LAMA2: variants seen among roughly 807,000 people sequenced by gnomAD.
LAMA2 encodes the protein laminin subunit alpha-2.
A neutral mutation model predicts 364.8 loss-of-function variants in LAMA2; 269 were observed. That is an observed-to-expected ratio of 0.74 (90% CI 0.67 to 0.82). LAMA2 has a LOEUF of 0.82. LAMA2 is among the 40% of genes least tolerant of loss of function. The pLI, the probability that LAMA2 is intolerant of heterozygous loss-of-function variation, is 0.00. For synonymous variants in LAMA2, 1,379 were observed against 1,370.6 expected (o/e 1.01, Z -0.14); for missense variants, 3,807 against 3,873.2 (o/e 0.98, Z 0.45).
chr6:129,326,201 C>T (rs113057764), intron 28 of LAMA2, among the ~76,000 whole-genome samples: 1 of 152,134 alleles, frequency 6.6e-6, no homozygotes, highest in Non-Finnish European at 1.5e-5. Flanking sequence ...TTGCCAGTGA[C>T]GCTGCGCTCT....
At chr6:129,398,788 T>G (rs1779803813) in intron 37 of LAMA2, among the ~76,000 whole-genome samples, 1 of 152,146 alleles carries the variant, frequency 6.6e-6, no homozygotes, top group African/African-American at 2.4e-5. Flanking sequence ...TTTATTTATT[T>G]ATTAAAAAAT....
chr6:129,366,134 T>C, intron 32 of LAMA2, 85 bp from the exon 33 acceptor site: 1 of 1,420,104 alleles, frequency 7.0e-7, no homozygotes, highest in Non-Finnish European at 9.9e-7. Flanking sequence ...TCTTGGACCA[T>C]AAAATATTTC....
intron 4 of LAMA2, among the ~76,000 whole-genome samples, chr6:129,099,039 A>G (rs1279728913): frequency 6.6e-6 from 1 of 150,750 alleles, no homozygotes; most frequent in African/African-American, 2.4e-5. Flanking sequence ...AGATTCATTC[A>G]TTGATTTTAA....
At chr6:129,059,476 C>T (rs1788734324) in intron 2 of LAMA2, among the ~76,000 whole-genome samples, 1 of 152,134 alleles carries the variant, frequency 6.6e-6, no homozygotes, top group Non-Finnish European at 1.5e-5. Context: ...AACATTATAT[C>T]TTTACACTTA....
intron 12 of LAMA2, among the ~76,000 whole-genome samples, chr6:129,249,095 C>T (rs1785982658): frequency 6.6e-6 from 1 of 152,108 alleles, no homozygotes; most frequent in Non-Finnish European, 1.5e-5. Flanking sequence ...CTGTGGAACA[C>T]TAAGAGGAAT....
intron 9 of LAMA2, among the ~76,000 whole-genome samples, chr6:129,176,089 T>C (rs1345749378): frequency 1.3e-5 from 2 of 152,044 alleles, no homozygotes; most frequent in African/African-American, 4.8e-5. Flanking sequence ...GTACAGTTTT[T>C]CCATACTCAA....
At chr6:129,137,256 A>G (rs976154840) in intron 4 of LAMA2, among the ~76,000 whole-genome samples, 1 of 144,020 alleles carries the variant, frequency 6.9e-6, no homozygotes, top group Non-Finnish European at 1.5e-5. Flanking sequence ...TGACAGTAGG[A>G]AAAAAAAAAA....
At chr6:129,293,256 T>C (rs1789845422) in intron 20 of LAMA2, among the ~76,000 whole-genome samples, 1 of 152,242 alleles carries the variant, frequency 6.6e-6, no homozygotes, top group Non-Finnish European at 1.5e-5. Flanking sequence ...TTAAAAAGCA[T>C]ATTCAAGTTC....
chr6:128,958,093 A>G (rs866203627), intron 1 of LAMA2, among the ~76,000 whole-genome samples: 22 of 151,922 alleles, frequency 1.4e-4, no homozygotes, highest in African/African-American at 4.8e-4. Flanking sequence ...AAAATATTGC[A>G]TATTCATATT....
rs545953546 is a variant in LAMA2, at chr6:129,434,372, A to G, written c.5969-4274A>G. ...TTCTAGCACATTTTTCTTCTACTCT[A>G]TGAGGAGGAGATGAGAAAGGGAGAG... On this transcript the variant is annotated intron_variant, in intron 41 of 64. Transcript: ENST00000421865. 3.3e-3 allele frequency among the ~76,000 whole-genome samples: 496 copies of G among 152,102 alleles called. 3 individuals carry two copies. Among genetic ancestry groups the G allele is most frequent in the Non-Finnish European group, 4.5e-3 (303 of 67,968 alleles).
intron 40 of LAMA2, among the ~76,000 whole-genome samples, chr6:129,416,283 T>C (rs1262366846): frequency 6.6e-6 from 1 of 152,250 alleles, no homozygotes; most frequent in Non-Finnish European, 1.5e-5. Flanking sequence ...TACTCCGTCA[T>C]AGTTTTATTC....
intron 1 of LAMA2, among the ~76,000 whole-genome samples, chr6:128,951,432 A>G (rs1290473531): frequency 2.0e-5 from 3 of 152,144 alleles, no homozygotes; most frequent in Non-Finnish European, 4.4e-5. Flanking sequence ...ATATTGGAGC[A>G]TGGGGACCCC....
chr6:128,987,350 C>T (rs1265013727), intron 1 of LAMA2, among the ~76,000 whole-genome samples: 1 of 151,902 alleles, frequency 6.6e-6, no homozygotes, highest in Admixed American at 6.6e-5. Flanking sequence ...ACCATTTTGG[C>T]GAGGCTGGTC....
At chr6:129,048,101 A>C (rs1470367950) in intron 1 of LAMA2, among the ~76,000 whole-genome samples, 1 of 152,206 alleles carries the variant, frequency 6.6e-6, no homozygotes, top group East Asian at 1.9e-4. Flanking sequence ...TGTTTTGTGT[A>C]GCAAATCATT....
intron 1 of LAMA2, chr6:128,929,859 A>G: frequency 1.0e-6 from 1 of 994,006 alleles, no homozygotes; most frequent in Non-Finnish European, 1.6e-6. Context: ...TTGCCTGAAG[A>G]CTTCCACGAG....
At chr6:128,925,915 T>C (rs2114500905) in intron 1 of LAMA2, among the ~76,000 whole-genome samples, 1 of 152,274 alleles carries the variant, frequency 6.6e-6, no homozygotes. Flanking sequence ...GGAAACTTCC[T>C]GGGCCTAAAC....
At chr6:129,256,525 A>G (rs1786677433) in intron 14 of LAMA2, among the ~76,000 whole-genome samples, 1 of 151,982 alleles carries the variant, frequency 6.6e-6, no homozygotes, top group Admixed American at 6.6e-5. Flanking sequence ...TTATGATAAT[A>G]TAAATAGTGC....
chr6:128,932,513 G>A (rs1000787128), intron 1 of LAMA2, among the ~76,000 whole-genome samples: 1 of 152,044 alleles, frequency 6.6e-6, no homozygotes, highest in Non-Finnish European at 1.5e-5. Flanking sequence ...AAATGATTAA[G>A]TTCTAAGTTT....
chr6:129,252,385 C>T, intron 14 of LAMA2, 90 bp downstream of exon 14: 2 of 917,288 alleles, frequency 2.2e-6, no homozygotes, highest in Non-Finnish European at 3.5e-6. Context: ...TTTTAAGGCA[C>T]CTAGGATTTG....
Sources: allele counts gnomAD v4.1 joint callset (sites outside exome capture counted in the v4.1 genomes callset), GRCh38; gene constraint gnomAD v4.1.1; transcripts MANE v1.5; gene names NCBI Gene and HGNC (gene_info 2026-07-23, HGNC 2026-07-21).